AMBRA1: variants seen among roughly 807,000 people sequenced by gnomAD.
AMBRA1 encodes autophagy and beclin 1 regulator 1.
In AMBRA1, 47 loss-of-function variants were observed where a neutral mutation model predicts 125.4. The ratio of observed to expected loss-of-function variants is 0.37; its 90% CI spans 0.30 to 0.48. The LOEUF (loss-of-function observed/expected upper bound fraction) is 0.48. Among genes scored for constraint, AMBRA1 ranks in the 20% least tolerant of loss-of-function variants. The probability of loss-of-function intolerance (pLI) is 0.99; values close to 1 mark genes in which losing one functional copy is unlikely to be tolerated. For synonymous variants in AMBRA1, 626 were observed against 655.5 expected, an observed-to-expected ratio of 0.95 and a Z score of 0.69; for missense variants, 1,331 against 1,693.4, an observed-to-expected ratio of 0.79 and a Z score of 3.76.
intron 7 of AMBRA1, among the ~76,000 whole-genome samples, chr11:46,536,888 A>G (rs1952503945): frequency 6.6e-6 from 1 of 152,238 alleles, no homozygotes; most frequent in Non-Finnish European, 1.5e-5. Context: ...GTCTTCATCT[A>G]TCATGAGAGA....
At chr11:46,429,326 G>A (rs1368194200) in intron 14 of AMBRA1, among the ~76,000 whole-genome samples, 1 of 152,214 alleles carries the variant, frequency 6.6e-6, no homozygotes, top group African/African-American at 2.4e-5. Context: ...AGGAGCAGCC[G>A]CTAAGGTGGC....
In AMBRA1 at chr11:46,466,220, G is replaced by A. The variant is rs1471335439; in HGVS notation, c.2522-22622C>T. On this transcript the variant is annotated intron_variant, in intron 11 of 17. Coordinates refer to ENST00000683756, the MANE Select transcript of AMBRA1 (RefSeq NM_001387011.1). Reference sequence around the variant, plus strand: ...AATGAGGCCAGGCGTGCTGGCACACGCCTGTAGTCCCAGCTACTTGGGAGG... The same window carrying A: ...AATGAGGCCAGGCGTGCTGGCACACACCTGTAGTCCCAGCTACTTGGGAGG... Among the ~76,000 whole-genome samples, 9 of 152,122 alleles carry A rather than the reference G, an allele frequency of 5.9e-5. 1 individual carries two copies. The highest frequency in any genetic ancestry group is 2.0e-4 in the Admixed American group (3 of 15,276).
intron 9 of AMBRA1, among the ~76,000 whole-genome samples, chr11:46,496,770 T>C (rs1950644562): frequency 6.8e-6 from 1 of 147,790 alleles, no homozygotes; most frequent in South Asian, 2.1e-4. Context: ...AAAACCTAAA[T>C]ATAATTTCTT....
Position 46,543,163 on chromosome 11 carries a change from G to A in AMBRA1, c.854C>T (p.Ser285Phe). Residue 285 changes from serine to phenylalanine, a missense_variant, in exon 7 of 18, where the codon TCC becomes TTC. Transcript: ENST00000683756. The part of the protein sequence containing the change: ...PQPSTERPRT[S>F]AYIRLRQRVS... ...CCGCTGTCGGAGCCTGATGTAAGCG[G>A]AAGTCCTGGGGCGCTCCGTGGAGGG... is the stretch of plus-strand genomic sequence containing the variant. The A allele has an allele frequency of 6.4e-7, 1 of 1,565,274 alleles. No individual in the cohort carries two copies. The highest frequency in any genetic ancestry group is 8.6e-7 in the Non-Finnish European group (1 of 1,157,438).
At position 46,554,641 on chromosome 11, in the gene AMBRA1, C is replaced by T. The variant is rs138685076; in HGVS notation, c.-120-6141G>A. 5.9e-3 allele frequency among the ~76,000 whole-genome samples: 894 copies of T among 152,238 alleles called. 9 individuals carry two copies. The highest frequency in any genetic ancestry group is 6.9e-3 in the Non-Finnish European group (472 of 68,020). ...GGACTTCTCTCCTGATATGCTCTTA[C>T]CAGCCACCTGAGAAGAGATTTTACT... is the stretch of plus-strand genomic sequence containing the variant. On this transcript the variant is annotated intron_variant, in intron 1 of 17. Transcript: ENST00000683756.
rs1450736128 is a variant in AMBRA1, at chr11:46,577,971, C to T, written c.-121+15857G>A. Among the ~76,000 whole-genome samples, 3 of 151,992 alleles carry T rather than the reference C, an allele frequency of 2.0e-5. No individual in the cohort carries two copies. In the East Asian group the frequency reaches 5.8e-4, roughly 29 times the overall value. ...ATCTCAAAAACAAAACGAAACAAAA[C>T]AAAAACGCTAGAAGCTGAGTGTGGT... On this transcript the variant is annotated intron_variant, in intron 1 of 17. Transcript: ENST00000683756.
intron 11 of AMBRA1, among the ~76,000 whole-genome samples, chr11:46,466,644 G>T (rs1460857457): frequency 3.3e-5 from 5 of 152,126 alleles, no homozygotes; most frequent in Non-Finnish European, 7.3e-5. Context: ...TCATCTGTGT[G>T]GCAGGAAAGA....
chr11:46,468,626 G>C (rs1263528746), intron 11 of AMBRA1, among the ~76,000 whole-genome samples: 1 of 150,442 alleles, frequency 6.6e-6, no homozygotes, highest in Non-Finnish European at 1.5e-5. Context: ...GTGAAACCCC[G>C]TCTCTACTAA....
At chr11:46,457,288 A>G (rs1948889227) in intron 11 of AMBRA1, among the ~76,000 whole-genome samples, 1 of 152,204 alleles carries the variant, frequency 6.6e-6, no homozygotes, top group South Asian at 2.1e-4. Context: ...ACCATTACCC[A>G]GCGACAGACA....
At chr11:46,402,654 G>A (rs1945819910) in intron 17 of AMBRA1, among the ~76,000 whole-genome samples, 1 of 152,170 alleles carries the variant, frequency 6.6e-6, no homozygotes, top group African/African-American at 2.4e-5. Context: ...ATGAGCCACT[G>A]GAGAAGCACT....
chr11:46,591,808 G>T (rs1330759647), intron 1 of AMBRA1, among the ~76,000 whole-genome samples: 1 of 151,638 alleles, frequency 6.6e-6, no homozygotes, highest in Non-Finnish European at 1.5e-5. Context: ...AGTGAGCCGA[G>T]ATCGCACCAC....
At chr11:46,460,789 C>G (rs1414503170) in intron 11 of AMBRA1, among the ~76,000 whole-genome samples, 1 of 152,012 alleles carries the variant, frequency 6.6e-6, no homozygotes, top group African/African-American at 2.4e-5. Flanking sequence ...GTTTCATTTT[C>G]AAAAATCTGT....
At chr11:46,562,479 A>G (rs1402928820) in intron 1 of AMBRA1, among the ~76,000 whole-genome samples, 1 of 152,252 alleles carries the variant, frequency 6.6e-6, no homozygotes, top group Non-Finnish European at 1.5e-5. Flanking sequence ...AATATAAGAG[A>G]TGAATAGTCA....
intron 9 of AMBRA1, among the ~76,000 whole-genome samples, chr11:46,506,917 G>C (rs1281130271): frequency 6.6e-6 from 1 of 151,400 alleles, no homozygotes; most frequent in Non-Finnish European, 1.5e-5. Flanking sequence ...TATTATCCCA[G>C]CACTTTGGGA....
intron 1 of AMBRA1, among the ~76,000 whole-genome samples, chr11:46,561,436 C>T (rs1427652642): frequency 6.7e-6 from 1 of 149,942 alleles, no homozygotes; most frequent in Non-Finnish European, 1.5e-5. Context: ...AGAACATTAA[C>T]CCAGGAATCT....
intron 1 of AMBRA1, among the ~76,000 whole-genome samples, chr11:46,587,008 A>G (rs1453757009): frequency 6.6e-6 from 1 of 152,232 alleles, no homozygotes; most frequent in East Asian, 1.9e-4. Flanking sequence ...AGGTATATAT[A>G]CCTGTGATCT....
chr11:46,416,646 G>A (rs1946559568), intron 15 of AMBRA1, among the ~76,000 whole-genome samples: 1 of 152,144 alleles, frequency 6.6e-6, no homozygotes, highest in Non-Finnish European at 1.5e-5. Flanking sequence ...CCATCAAAAG[G>A]CAACACGGAC....
intron 6 of AMBRA1, 21 bp downstream of exon 6, chr11:46,543,954 G>A (rs964879662): frequency 1.9e-6 from 3 of 1,599,952 alleles, no homozygotes; most frequent in Middle Eastern, 1.7e-4. Flanking sequence ...AGCTGGAATT[G>A]GAACTGCTGG....
intron 11 of AMBRA1, among the ~76,000 whole-genome samples, chr11:46,482,037 C>T (rs1220569064): frequency 5.3e-5 from 8 of 152,134 alleles, no homozygotes; most frequent in East Asian, 1.9e-4. Context: ...TAGTATAATT[C>T]GAAGTCAGGT....
Sources: allele counts gnomAD v4.1 joint callset (sites outside exome capture counted in the v4.1 genomes callset), GRCh38; gene constraint gnomAD v4.1.1; transcripts MANE v1.5; gene names NCBI Gene and HGNC (gene_info 2026-07-23, HGNC 2026-07-21).